SWAP70: variants seen among roughly 807,000 people sequenced by gnomAD.
SWAP70 encodes the protein switch-associated protein 70.
SWAP70 carries 34 observed loss-of-function variants against 80.2 expected under a neutral mutation model. The ratio of observed to expected loss-of-function variants is 0.42; its 90% CI spans 0.32 to 0.56. The LOEUF (loss-of-function observed/expected upper bound fraction) is 0.56. SWAP70 is among the 20% of genes least tolerant of loss of function. The pLI, the probability that SWAP70 is intolerant of heterozygous loss-of-function variation, is 0.09. For synonymous variants in SWAP70, 239 were observed against 238.5 expected (o/e 1.00, Z -0.02); for missense variants, 578 against 690.7 (o/e 0.84, Z 1.83).
At chr11:9,729,145 G>C (rs1369167611) in intron 5 of SWAP70, among the ~76,000 whole-genome samples, 198 bp from the exon 6 acceptor site, 1 of 152,170 alleles carries the variant, frequency 6.6e-6, no homozygotes, top group African/African-American at 2.4e-5. Flanking sequence ...AGTTTTACCA[G>C]TCTAGATGTA....
intron 2 of SWAP70, among the ~76,000 whole-genome samples, chr11:9,707,439 C>T (rs1249311470): frequency 6.6e-6 from 1 of 151,898 alleles, no homozygotes; most frequent in Non-Finnish European, 1.5e-5. Context: ...TAGCTTATTT[C>T]ACTTAACATA....
At chr11:9,693,401 T>C (rs376944546) in intron 1 of SWAP70, among the ~76,000 whole-genome samples, 38 of 152,344 alleles carry the variant, frequency 2.5e-4, no homozygotes, top group African/African-American at 9.1e-4. Context: ...AGTAGCCCTT[T>C]ATATGTATTT....
intron 2 of SWAP70, among the ~76,000 whole-genome samples, chr11:9,703,647 A>G (rs1440149206): frequency 2.0e-5 from 3 of 152,106 alleles, no homozygotes; most frequent in Non-Finnish European, 2.9e-5. Context: ...TTGTTGCTGT[A>G]TTGTTTGGTG....
At chr11:9,671,421 A>ATATATATAAATATATAAAAATATATTT (rs1565109247) in intron 1 of SWAP70, among the ~76,000 whole-genome samples, 1 of 86,364 alleles carries the variant, frequency 1.2e-5, no homozygotes, top group South Asian at 4.1e-4. Context: ...TATATTTATA[A>ATATATATAAATATATAAAAATATATTT]ATATATATAT....
At position 9,741,938 on chromosome 11, in the gene SWAP70, T is replaced by TTAAAAAAAAAA. The variant is rs746508941; in HGVS notation, c.1355+1591_1355+1592insTAAAAAAAAAA. ...GAGCAACATGGTGAAACCTCATCTT[T>TTAAAAAAAAAA]AAAAAAAAAAAAAAAAAAAAGTCTA... is the stretch of plus-strand genomic sequence containing the variant. On this transcript the variant is annotated intron_variant, in intron 9 of 11. Coordinates refer to ENST00000318950, the MANE Select transcript of SWAP70 (RefSeq NM_015055.4). The TTAAAAAAAAAA allele has an allele frequency of 1.5e-4, 12 of 81,950 alleles. No individual in the cohort carries two copies. The South Asian group carries it at 1.7e-3, about 11-fold the overall frequency. The allele number at this position is 81,950 out of a possible 1,614,324, so 5.1% of individuals were successfully genotyped here.
At chr11:9,729,978 T>G (rs1208675489) in intron 6 of SWAP70, among the ~76,000 whole-genome samples, 1 of 152,250 alleles carries the variant, frequency 6.6e-6, no homozygotes, top group East Asian at 1.9e-4. Context: ...GATTTACTTT[T>G]TAAATAGATT....
intron 3 of SWAP70, among the ~76,000 whole-genome samples, chr11:9,717,054 T>C (rs935597890): frequency 1.3e-5 from 2 of 152,164 alleles, no homozygotes; most frequent in African/African-American, 4.8e-5. Flanking sequence ...CAATGGTAAG[T>C]GAGAAGTTGC....
At position 9,747,839 on chromosome 11, in the gene SWAP70, G is replaced by C; in HGVS notation, c.1356-19G>C. The C allele has an allele frequency of 6.2e-7, 1 of 1,613,440 alleles. No homozygotes were observed. The highest frequency in any genetic ancestry group is 8.5e-7 in the Non-Finnish European group (1 of 1,179,436). On this transcript the variant is annotated intron_variant, in intron 9 of 11. Transcript: ENST00000318950. ...TGACCTGGGCAGGATTTGATCTGGAGCTTTCCTCCACATTGTAGGTTGTTG... is the reference window on the plus strand; with the variant it reads ...TGACCTGGGCAGGATTTGATCTGGACCTTTCCTCCACATTGTAGGTTGTTG...
At chr11:9,707,238 A>G (rs1460081225) in intron 2 of SWAP70, among the ~76,000 whole-genome samples, 1 of 152,178 alleles carries the variant, frequency 6.6e-6, no homozygotes, top group African/African-American at 2.4e-5. Flanking sequence ...CTGTATGCAC[A>G]TTATTGTACA....
intron 2 of SWAP70, among the ~76,000 whole-genome samples, chr11:9,695,784 T>C (rs1289979673): frequency 6.6e-6 from 1 of 152,010 alleles, no homozygotes; most frequent in Non-Finnish European, 1.5e-5. Flanking sequence ...AAAAATCTGG[T>C]TTCATATATA....
At chr11:9,727,926 G>T in intron 4 of SWAP70, 127 bp from the exon 5 acceptor site, 1 of 961,550 alleles carries the variant, frequency 1.0e-6, no homozygotes, top group South Asian at 1.9e-5. Context: ...GAGGATCCAA[G>T]AACAATTGGT....
intron 1 of SWAP70, among the ~76,000 whole-genome samples, chr11:9,684,727 G>C (rs938248954): frequency 6.6e-6 from 1 of 152,070 alleles, no homozygotes; most frequent in South Asian, 2.1e-4. Context: ...TAGAAACATG[G>C]TAGTATAGTA....
At chr11:9,693,222 G>T (rs1850716536) in intron 1 of SWAP70, among the ~76,000 whole-genome samples, 1 of 152,204 alleles carries the variant, frequency 6.6e-6, no homozygotes, top group African/African-American at 2.4e-5. Flanking sequence ...TACAGCCTTA[G>T]CTATGTAATT....
intron 1 of SWAP70, 29 bp from the exon 2 acceptor site, chr11:9,694,117 T>C: frequency 6.4e-7 from 1 of 1,564,804 alleles, no homozygotes. Context: ...TTAGTGGGAG[T>C]CTTTAAACGA....
chr11:9,713,811 G>C (rs1353908230), intron 3 of SWAP70, among the ~76,000 whole-genome samples, 172 bp downstream of exon 3: 5 of 152,130 alleles, frequency 3.3e-5, no homozygotes, highest in Non-Finnish European at 7.4e-5. Flanking sequence ...AGTAATTTGG[G>C]GCATGTAATA....
intron 3 of SWAP70, among the ~76,000 whole-genome samples, chr11:9,714,030 G>A (rs1449933056): frequency 1.3e-5 from 2 of 152,194 alleles, no homozygotes; most frequent in Non-Finnish European, 2.9e-5. Context: ...GCTGTTTTGT[G>A]TGAGTAAATA....
intron 3 of SWAP70, among the ~76,000 whole-genome samples, chr11:9,714,997 C>T (rs1205462193): frequency 2.2e-5 from 2 of 91,304 alleles, no homozygotes; most frequent in African/African-American, 9.0e-5. Flanking sequence ...TTTTAAGAAA[C>T]GGGGTCTTAC....
In SWAP70 at chr11:9,675,364, A is replaced by G. The variant is rs1397494926; in HGVS notation, c.99+11086A>G. Among the ~76,000 whole-genome samples the G allele has an allele frequency of 1.1e-3, 33 of 30,298 alleles. 1 individual carries two copies. Among genetic ancestry groups the G allele is most frequent in the South Asian group, 3.6e-3 (3 of 838 alleles). The allele number at this position is 30,298 out of a possible 152,430, so 19.9% of individuals were successfully genotyped here. On this transcript the variant is annotated intron_variant, in intron 1 of 11. Transcript: ENST00000318950. ...GAGGGAGCGAGAGAGAGAGAGAGAG[A>G]GAGAGAGAGAGAGAGAGAGAGAGAG... is the stretch of plus-strand genomic sequence containing the variant.
intron 3 of SWAP70, 132 bp from the exon 4 acceptor site, chr11:9,724,526 C>G (rs1590039144): frequency 4.5e-6 from 3 of 661,404 alleles, no homozygotes; most frequent in Non-Finnish European, 7.6e-6. Flanking sequence ...TTAGGAGACT[C>G]TAAAGGTAGG....
Sources: gnomAD v4.1 joint callset for allele counts (sites outside exome capture counted in the v4.1 genomes callset) on GRCh38, gnomAD v4.1.1 for gene constraint, MANE v1.5 for transcripts, NCBI Gene and HGNC (gene_info 2026-07-23, HGNC 2026-07-21) for gene names.